Variants in SUGCT observed in about 807,000 individuals in gnomAD.
The protein encoded by SUGCT is succinyl-CoA:glutarate CoA-transferase.
SUGCT carries 41 observed loss-of-function variants against 55.0 expected under a neutral mutation model. That is an observed-to-expected ratio of 0.74 (90% CI 0.58 to 0.97). The LOEUF (loss-of-function observed/expected upper bound fraction) is 0.97, where lower values mean the gene tolerates loss of function less well. Ranked by LOEUF, SUGCT falls within the 50% of genes least tolerant of loss-of-function variation. The pLI is 0.00. For missense variants in SUGCT, 568 were observed against 547.8 expected, an observed-to-expected ratio of 1.04 and a Z score of -0.37; for synonymous variants, 187 against 200.4, an observed-to-expected ratio of 0.93 and a Z score of 0.56.
At chr7:40,565,993 G>GCACA (rs376444246) in intron 12 of SUGCT, among the ~76,000 whole-genome samples, 3,978 of 123,926 alleles carry the variant, frequency 0.032, 76 homozygotes, top group Admixed American at 0.071. Context: ...ACACACACAC[G>GCACA]CACACACACA....
At chr7:40,595,804 T>C (rs772804133) in intron 12 of SUGCT, among the ~76,000 whole-genome samples, 2 of 152,214 alleles carry the variant, frequency 1.3e-5, no homozygotes, top group African/African-American at 2.4e-5. Flanking sequence ...TCAGACTCTT[T>C]ACACTGTGAG....
intron 12 of SUGCT, among the ~76,000 whole-genome samples, chr7:40,699,822 C>T (rs1028809373): frequency 6.6e-6 from 1 of 152,076 alleles, no homozygotes; most frequent in Non-Finnish European, 1.5e-5. Flanking sequence ...TGAGCCACTA[C>T]ACTCCAGCCT....
intron 9 of SUGCT, among the ~76,000 whole-genome samples, chr7:40,377,700 T>G (rs1264336452): frequency 1.3e-5 from 2 of 152,362 alleles, no homozygotes; most frequent in East Asian, 3.9e-4. Flanking sequence ...GTATTCTTTA[T>G]TTATGTGGAT....
intron 7 of SUGCT, among the ~76,000 whole-genome samples, chr7:40,271,321 G>C (rs1791996660): frequency 6.6e-6 from 1 of 151,892 alleles, no homozygotes; most frequent in Admixed American, 6.6e-5. Context: ...ATATAGGCGG[G>C]GGTCTCACTA....
the SUGCT span, among the ~76,000 whole-genome samples, chr7:41,014,270 T>A: frequency 6.6e-6 from 1 of 152,218 alleles, no homozygotes; most frequent in African/African-American, 2.4e-5. Flanking sequence ...TGTGGCTGTG[T>A]GTGTCTGTGG....
At chr7:40,316,879 T>G in intron 9 of SUGCT, 24 bp downstream of exon 9, 2 of 1,324,154 alleles carry the variant, frequency 1.5e-6, no homozygotes, top group Non-Finnish European at 2.1e-6. Context: ...AGTCTAGGGT[T>G]GGGCTGTTGT....
At chr7:40,322,730 A>G (rs1207323129) in intron 9 of SUGCT, among the ~76,000 whole-genome samples, 1 of 152,098 alleles carries the variant, frequency 6.6e-6, no homozygotes, top group African/African-American at 2.4e-5. Context: ...ATGCGGGAGG[A>G]TTGTTTGAAC....
intron 13 of SUGCT, among the ~76,000 whole-genome samples, chr7:40,854,405 TTCTTTCTTTCTTTCC>T (rs1794026344): frequency 1.9e-5 from 2 of 103,578 alleles, no homozygotes; most frequent in African/African-American, 3.5e-5. Flanking sequence ...TTTTCTTTCT[TTCTTTCTTTCTTTCC>T]TTTCTTTCTT....
At chr7:40,611,417 A>T (rs957819773) in intron 12 of SUGCT, among the ~76,000 whole-genome samples, 10 of 152,226 alleles carry the variant, frequency 6.6e-5, no homozygotes, top group African/African-American at 2.2e-4. Flanking sequence ...ATGGTGGGGC[A>T]TGATTGAAAG....
intron 12 of SUGCT, among the ~76,000 whole-genome samples, chr7:40,562,025 C>T (rs141809897): frequency 6.0e-5 from 9 of 150,366 alleles, no homozygotes; most frequent in East Asian, 2.1e-4. Context: ...CCAGGCCAGG[C>T]GCAGTGGCTC....
chr7:40,839,920 A>C (rs2128788023), intron 13 of SUGCT, among the ~76,000 whole-genome samples: 1 of 152,276 alleles, frequency 6.6e-6, no homozygotes, highest in Middle Eastern at 3.4e-3. Flanking sequence ...AAATGCTGGA[A>C]GCCTCTTGGG....
At chr7:40,521,095 G>T (rs1172148360) in intron 12 of SUGCT, among the ~76,000 whole-genome samples, 1 of 152,056 alleles carries the variant, frequency 6.6e-6, no homozygotes, top group East Asian at 1.9e-4. Context: ...CAGTGATATG[G>T]TTTGGATCTG....
chr7:40,188,562 T>G lies in SUGCT; in HGVS notation c.294T>G (p.Ser98Arg). The G allele has an allele frequency of 6.2e-7, 1 of 1,604,088 alleles. No individual in the cohort carries two copies. Among genetic ancestry groups the G allele is most frequent in the Non-Finnish European group, 8.5e-7 (1 of 1,177,004 alleles). The change falls in exon 4 of 14, where the codon AGT becomes AGG. Residue 98 changes from serine to arginine, a missense_variant. Transcript: ENST00000335693. Reference protein sequence around the residue: ...FVGTESTYYLSVNRNKKSIAV... With the variant: ...FVGTESTYYLRVNRNKKSIAV... ...GGACAGAAAGTACATATTATCTCAGTGTTAACCGAAATAAAAAAGTAAGAA... is the reference window on the plus strand; with the variant it reads ...GGACAGAAAGTACATATTATCTCAGGGTTAACCGAAATAAAAAAGTAAGAA...
chr7:40,350,553 A>T (rs1000014538), intron 9 of SUGCT, among the ~76,000 whole-genome samples: 3 of 149,718 alleles, frequency 2.0e-5, no homozygotes, highest in African/African-American at 7.4e-5. Context: ...CTGGTCTTGA[A>T]CTCTTGACTT....
At chr7:40,617,471 TTA>T (rs1200268966) in intron 12 of SUGCT, among the ~76,000 whole-genome samples, 19 of 135,722 alleles carry the variant, frequency 1.4e-4, no homozygotes, top group East Asian at 4.1e-4. Flanking sequence ...CTGGTTAGAT[TTA>T]TATGTGTGTG....
chr7:40,146,077 G>C (rs1014453857), intron 1 of SUGCT, among the ~76,000 whole-genome samples: 1 of 151,604 alleles, frequency 6.6e-6, no homozygotes, highest in East Asian at 1.9e-4. Context: ...TAAGGTTCTT[G>C]AGTCAGTAAG....
chr7:40,468,125 G>C (rs1007513247), intron 11 of SUGCT, among the ~76,000 whole-genome samples: 1 of 151,962 alleles, frequency 6.6e-6, no homozygotes, highest in Non-Finnish European at 1.5e-5. Flanking sequence ...CATAAAGAAT[G>C]AAACACTTTT....
chr7:40,434,702 C>A (rs1197078105), intron 9 of SUGCT, among the ~76,000 whole-genome samples: 1 of 152,188 alleles, frequency 6.6e-6, no homozygotes, highest in African/African-American at 2.4e-5. Flanking sequence ...GCTTCCAGAT[C>A]TGATCATCCA....
intron 10 of SUGCT, among the ~76,000 whole-genome samples, chr7:40,451,456 T>C (rs1037537984): frequency 4.6e-5 from 7 of 152,166 alleles, no homozygotes; most frequent in African/African-American, 1.7e-4. Flanking sequence ...GAAATATGAC[T>C]TATTGTTATG....
Sources: gnomAD v4.1 joint callset for allele counts (sites outside exome capture counted in the v4.1 genomes callset) on GRCh38, gnomAD v4.1.1 for gene constraint, MANE v1.5 for transcripts, NCBI Gene and HGNC (gene_info 2026-07-23, HGNC 2026-07-21) for gene names.